RAB3IL1: variants seen among roughly 807,000 people sequenced by gnomAD.
RAB3IL1 encodes guanine nucleotide exchange factor for Rab-3A.
A neutral mutation model predicts 49.2 loss-of-function variants in RAB3IL1; 37 were observed. The ratio of observed to expected loss-of-function variants is 0.75; its 90% CI spans 0.58 to 0.99. The LOEUF is 0.99. Ranked by LOEUF, RAB3IL1 falls within the 50% of genes least tolerant of loss-of-function variation. The pLI, the probability that RAB3IL1 is intolerant of heterozygous loss-of-function variation, is 0.00. For synonymous variants in RAB3IL1, 193 were observed against 213.9 expected (o/e 0.90, Z 0.85); for missense variants, 484 against 513.0 (o/e 0.94, Z 0.55).
chr11:61,914,861 A>C (rs1035541857), intron 1 of RAB3IL1, among the ~76,000 whole-genome samples: 1 of 152,170 alleles, frequency 6.6e-6, no homozygotes, highest in Non-Finnish European at 1.5e-5. Flanking sequence ...CTCCTGTTCT[A>C]GGATCAACAG....
chr11:61,911,962 G>A lies in RAB3IL1; in HGVS notation c.12-3656C>T, dbSNP rs568084474. Reference sequence around the variant, plus strand: ...AAAATAAGAAGGAGACCTAGACTCCGTGGCCCTCGGTCTCTCAGTGTCCCC... The same window carrying A: ...AAAATAAGAAGGAGACCTAGACTCCATGGCCCTCGGTCTCTCAGTGTCCCC... On this transcript the variant is annotated intron_variant, in intron 1 of 9. Coordinates refer to ENST00000394836, the MANE Select transcript of RAB3IL1 (RefSeq NM_013401.4). Among the ~76,000 whole-genome samples the A allele has an allele frequency of 2.7e-4, 41 of 152,290 alleles. No individual in the cohort carries two copies. The South Asian group carries it at 7.9e-3, about 29-fold the overall frequency.
intron 1 of RAB3IL1, among the ~76,000 whole-genome samples, chr11:61,914,081 G>C (rs985734102): frequency 6.6e-6 from 1 of 152,228 alleles, no homozygotes; most frequent in Non-Finnish European, 1.5e-5. Context: ...CTGACCTGGA[G>C]CCCTCGGGCC....
At chr11:61,913,489 T>C (rs1409546701) in intron 1 of RAB3IL1, among the ~76,000 whole-genome samples, 1 of 151,772 alleles carries the variant, frequency 6.6e-6, no homozygotes, top group Non-Finnish European at 1.5e-5. Context: ...AGCAGGTGAG[T>C]CAGGCCACGC....
chr11:61,934,450 G>A, the RAB3IL1 span, among the ~76,000 whole-genome samples: 880 of 30,832 alleles, frequency 0.029, 26 homozygotes, highest in South Asian at 0.043. Flanking sequence ...GTGTGTGTAT[G>A]TATATATATA....
In RAB3IL1 at chr11:61,906,403, GAC is replaced by G. The variant is rs1218024712; in HGVS notation, c.657+61_657+62del. 35 of 1,442,562 alleles carry G rather than the reference GAC, an allele frequency of 2.4e-5. No individual in the cohort carries two copies. Among genetic ancestry groups the G allele is most frequent in the Non-Finnish European group, 3.2e-5 (34 of 1,063,330 alleles). The allele number at this position is 1,442,562 out of a possible 1,614,324, so 89.4% of individuals were successfully genotyped here. On this transcript the variant is annotated intron_variant, in intron 5 of 9. Transcript: ENST00000394836. This position sits in a 1 kb window ranked among gnomAD's most constrained non-coding sequence, Gnocchi z 4.6. ...GGCAGGCTGGTCCTCACTGGGCTCG[GAC>G]CCTGCCTACCGCAGGCACTGCCACC...
rs894335203 is a variant in RAB3IL1, at chr11:61,898,118, C to T, written c.*160G>A. 1.5e-5 allele frequency: 10 copies of T among 681,530 alleles called. No homozygotes were observed. The highest frequency in any genetic ancestry group is 5.3e-5 in the African/African-American group (3 of 56,092). 42.2% of individuals were successfully genotyped at this position (681,530 alleles called of 1,614,324 possible). A position where few individuals can be genotyped will look rare whatever the true frequency, so the allele number is the denominator to read the frequency against. On this transcript the variant is annotated 3_prime_UTR_variant, in exon 10 of 10. Coordinates refer to ENST00000394836, the MANE Select transcript of RAB3IL1 (RefSeq NM_013401.4). This position sits in a 1 kb window ranked among gnomAD's most constrained non-coding sequence, Gnocchi z 5.1. ...CCAGGCCCGTCTGTCCCAGGATGGA[C>T]GTGTGGTGCTGGCTCAGTGCTGCCT...
At chr11:61,902,982 CACT>C (rs2136026778) in intron 7 of RAB3IL1, among the ~76,000 whole-genome samples, 1 of 151,620 alleles carries the variant, frequency 6.6e-6, no homozygotes, top group South Asian at 2.1e-4. Context: ...CTTCTGACCC[CACT>C]AACCCCCATG....
chr11:61,917,259 G>A, intron 1 of RAB3IL1, 98 bp downstream of exon 1: 1 of 1,318,460 alleles, frequency 7.6e-7, no homozygotes, highest in Non-Finnish European at 9.7e-7. Flanking sequence ...ACCTCCGGGT[G>A]GCGGCGCAGA....
intron 2 of RAB3IL1, 149 bp from the exon 3 acceptor site, chr11:61,907,809 C>T (rs1591228176): frequency 1.1e-6 from 1 of 918,484 alleles, no homozygotes; most frequent in Non-Finnish European, 1.6e-6. Context: ...GTTTGTGATG[C>T]TTTTTCCGTT....
At chr11:61,925,678 G>T in the RAB3IL1 span, among the ~76,000 whole-genome samples, 1 of 151,806 alleles carries the variant, frequency 6.6e-6, no homozygotes, top group Non-Finnish European at 1.5e-5. Context: ...GACATTCCCT[G>T]CAGAGGGACC....
At chr11:61,916,741 AC>A (rs1939706513) in intron 1 of RAB3IL1, among the ~76,000 whole-genome samples, 1 of 152,172 alleles carries the variant, frequency 6.6e-6, no homozygotes, top group African/African-American at 2.4e-5. Flanking sequence ...AGGAACTGCA[AC>A]TGCCCCTGAG....
Position 61,902,427 on chromosome 11 carries a change from C to T in RAB3IL1, c.999+15G>A, listed in dbSNP as rs1238876589. The T allele has an allele frequency of 6.3e-7, 1 of 1,575,046 alleles. No individual in the cohort carries two copies. The highest frequency in any genetic ancestry group is 8.6e-7 in the Non-Finnish European group (1 of 1,160,936). On this transcript the variant is annotated intron_variant, in intron 8 of 9. Coordinates refer to ENST00000394836, the MANE Select transcript of RAB3IL1 (RefSeq NM_013401.4). ...CCCCAAAGGAGTCAAGTAACGCTTGCAAAGGCTGACTCACCCTGGCCCGGG... is the reference window on the plus strand; with the variant it reads ...CCCCAAAGGAGTCAAGTAACGCTTGTAAAGGCTGACTCACCCTGGCCCGGG...
the RAB3IL1 span, among the ~76,000 whole-genome samples, chr11:61,942,603 C>A: frequency 6.6e-6 from 1 of 152,052 alleles, no homozygotes; most frequent in African/African-American, 2.4e-5. Flanking sequence ...ATGTAGTAAA[C>A]CCTAAAGAAT....
chr11:61,910,643 C>G (rs1939416985), intron 1 of RAB3IL1, among the ~76,000 whole-genome samples: 1 of 152,194 alleles, frequency 6.6e-6, no homozygotes, highest in Non-Finnish European at 1.5e-5. Context: ...GGCTGAGACA[C>G]TCACGAAGCC....
chr11:61,933,646 G>A, the RAB3IL1 span, among the ~76,000 whole-genome samples: 1 of 152,080 alleles, frequency 6.6e-6, no homozygotes, highest in African/African-American at 2.4e-5. Context: ...TTTGGAATTG[G>A]GTAATGAGTA....
the RAB3IL1 span, among the ~76,000 whole-genome samples, chr11:61,926,837 G>A: frequency 6.6e-6 from 1 of 151,950 alleles, no homozygotes; most frequent in Admixed American, 6.6e-5. Context: ...GTAGATGTGA[G>A]CCACACCTGG....
chr11:61,900,225 T>C (rs540743477), intron 8 of RAB3IL1, among the ~76,000 whole-genome samples: 9 of 152,364 alleles, frequency 5.9e-5, no homozygotes, highest in Admixed American at 2.0e-4. Context: ...ACATCCTGGC[T>C]GGACTCCCCC....
chr11:61,934,690 C>G, the RAB3IL1 span, among the ~76,000 whole-genome samples: 1 of 151,410 alleles, frequency 6.6e-6, no homozygotes, highest in Non-Finnish European at 1.5e-5. Context: ...TTCAGGCTCT[C>G]TGTAAGCAGA....
At chr11:61,911,302 A>T (rs1939443941) in intron 1 of RAB3IL1, among the ~76,000 whole-genome samples, 1 of 152,198 alleles carries the variant, frequency 6.6e-6, no homozygotes, top group Non-Finnish European at 1.5e-5. Context: ...CCAACGCCAA[A>T]GGTGGCAGGA....
Sources: allele counts gnomAD v4.1 joint callset (sites outside exome capture counted in the v4.1 genomes callset), GRCh38; gene constraint gnomAD v4.1.1; non-coding constraint Gnocchi (gnomAD v3.1); transcripts MANE v1.5; gene names NCBI Gene and HGNC (gene_info 2026-07-23, HGNC 2026-07-21).